TMEM229B: variants seen among roughly 807,000 people sequenced by gnomAD.
The protein encoded by TMEM229B is transmembrane protein 229B, also known as chromosome 14 open reading frame 83.
TMEM229B carries 6 observed loss-of-function variants against 13.7 expected under a neutral mutation model. The ratio of observed to expected loss-of-function variants is 0.44; its 90% CI spans 0.24 to 0.86. The LOEUF (loss-of-function observed/expected upper bound fraction) is 0.86. Among genes scored for constraint, TMEM229B ranks in the 40% least tolerant of loss-of-function variants. The pLI is 0.23. For missense variants in TMEM229B, 170 were observed against 236.0 expected (o/e 0.72, Z 1.83); for synonymous variants, 107 against 102.1 (o/e 1.05, Z -0.29).
intron 1 of TMEM229B, among the ~76,000 whole-genome samples, chr14:67,494,559 A>G (rs892100779): frequency 2.6e-5 from 4 of 152,306 alleles, no homozygotes; most frequent in African/African-American, 9.6e-5. Context: ...AGCCAGGCCA[A>G]TCGGCCCCGC....
At chr14:67,476,406 G>A (rs1364681775) in intron 2 of TMEM229B, among the ~76,000 whole-genome samples, 1 of 151,844 alleles carries the variant, frequency 6.6e-6, no homozygotes, top group Non-Finnish European at 1.5e-5. Context: ...GGCCGACATG[G>A]TGAAACCCTG....
chr14:67,477,850 A>G (rs1228764987), intron 2 of TMEM229B, among the ~76,000 whole-genome samples: 1 of 152,160 alleles, frequency 6.6e-6, no homozygotes, highest in African/African-American at 2.4e-5. Context: ...AATTAATGGC[A>G]CCACCATGCA....
intron 1 of TMEM229B, among the ~76,000 whole-genome samples, chr14:67,507,370 C>CA (rs1267745870): frequency 6.6e-6 from 1 of 151,020 alleles, no homozygotes; most frequent in Non-Finnish European, 1.5e-5. Flanking sequence ...AAAACAAAAA[C>CA]AAAAAAACAT....
chr14:67,510,496 A>T (rs911038698), intron 1 of TMEM229B, among the ~76,000 whole-genome samples: 16 of 152,266 alleles, frequency 1.1e-4, no homozygotes, highest in South Asian at 6.2e-4. Context: ...TGCAGGCTAT[A>T]TGAAAGCTTT....
intron 2 of TMEM229B, among the ~76,000 whole-genome samples, chr14:67,481,924 A>G (rs897698526): frequency 6.6e-6 from 1 of 152,236 alleles, no homozygotes; most frequent in African/African-American, 2.4e-5. Context: ...AGGACAGCCC[A>G]GGAACAGAAA....
chr14:67,529,090 T>C (rs1250513566), intron 1 of TMEM229B, among the ~76,000 whole-genome samples: 1 of 152,122 alleles, frequency 6.6e-6, no homozygotes, highest in Non-Finnish European at 1.5e-5. Flanking sequence ...CCTCATTTCA[T>C]AATATTTACT....
chr14:67,479,736 G>A (rs906458676), intron 2 of TMEM229B, among the ~76,000 whole-genome samples: 2 of 152,124 alleles, frequency 1.3e-5, no homozygotes, highest in Non-Finnish European at 2.9e-5. Context: ...AAAAAAAAAT[G>A]CTTGTGGAAT....
chr14:67,479,621 G>C (rs963099508), intron 2 of TMEM229B, among the ~76,000 whole-genome samples: 8 of 152,080 alleles, frequency 5.3e-5, no homozygotes, highest in Non-Finnish European at 1.2e-4. Flanking sequence ...GGGAGGCTGA[G>C]GCAGGAGAAT....
intron 1 of TMEM229B, among the ~76,000 whole-genome samples, chr14:67,521,196 A>G (rs1475955114): frequency 2.0e-5 from 3 of 152,254 alleles, no homozygotes; most frequent in African/African-American, 4.8e-5. Context: ...ACACATCATT[A>G]TCACCCAAAG....
upstream of TMEM229B, among the ~76,000 whole-genome samples, chr14:67,516,202 C>G (rs1311996046): frequency 1.3e-5 from 2 of 152,176 alleles, no homozygotes; most frequent in African/African-American, 4.8e-5. Context: ...CCCATTCGCA[C>G]GCCAAGCCTA....
chr14:67,493,000 G>A (rs1283400864), upstream of TMEM229B, among the ~76,000 whole-genome samples: 1 of 152,212 alleles, frequency 6.6e-6, no homozygotes, highest in Admixed American at 6.5e-5. Context: ...GCTGGAAGGT[G>A]AGTCTTAAAT....
chr14:67,499,596 G>A (rs1027312972), intron 1 of TMEM229B, among the ~76,000 whole-genome samples: 1 of 152,196 alleles, frequency 6.6e-6, no homozygotes, highest in Non-Finnish European at 1.5e-5. Context: ...TAATGGACAA[G>A]AAGATGAGTA....
In TMEM229B at chr14:67,508,753, C is replaced by CAAAAAAAAAAAAAAAAAAAAAAAAAAAAA. The variant is rs757183130; in HGVS notation, c.-192+6332_-192+6333insTTTTTTTTTTTTTTTTTTTTTTTTTTTTT. On this transcript the variant is annotated intron_variant, in intron 1 of 2. Transcript: ENST00000357461. ...TGGGTGACAGAGCAAAACCTTGTCT[C>CAAAAAAAAAAAAAAAAAAAAAAAAAAAAA]AAAAAAAAAAAAAAAAAACAGAAGA... Among the ~76,000 whole-genome samples the CAAAAAAAAAAAAAAAAAAAAAAAAAAAAA allele has an allele frequency of 1.9e-4, 9 of 46,702 alleles. 1 individual carries two copies. Among genetic ancestry groups the CAAAAAAAAAAAAAAAAAAAAAAAAAAAAA allele is most frequent in the East Asian group, 8.6e-4 (2 of 2,318 alleles). The allele number at this position is 46,702 out of a possible 152,430, so 30.6% of individuals were successfully genotyped here.
chr14:67,508,510 G>A (rs1265476479), intron 1 of TMEM229B, among the ~76,000 whole-genome samples: 2 of 151,982 alleles, frequency 1.3e-5, no homozygotes, highest in Admixed American at 6.6e-5. Flanking sequence ...ACAGCCTCAC[G>A]CTAGCTCTCC....
intron 2 of TMEM229B, among the ~76,000 whole-genome samples, chr14:67,479,667 G>A (rs781218352): frequency 2.6e-5 from 4 of 152,012 alleles, no homozygotes; most frequent in Admixed American, 6.6e-5. Context: ...GCCGTGAGCC[G>A]AGATAGCGCC....
At chr14:67,478,049 C>T (rs1413369523) in intron 2 of TMEM229B, among the ~76,000 whole-genome samples, 1 of 152,252 alleles carries the variant, frequency 6.6e-6, no homozygotes, top group Non-Finnish European at 1.5e-5. Flanking sequence ...TAGCAATCGC[C>T]ATATAACAAA....
chr14:67,491,522 A>G (rs59541430), upstream of TMEM229B, among the ~76,000 whole-genome samples: 4,346 of 152,302 alleles, frequency 0.029, 201 homozygotes, highest in African/African-American at 0.098. Flanking sequence ...ATGAATAACA[A>G]AAGACATTCC....
intron 2 of TMEM229B, among the ~76,000 whole-genome samples, chr14:67,482,278 G>T (rs2031631370): frequency 6.6e-6 from 1 of 152,212 alleles, no homozygotes; most frequent in Non-Finnish European, 1.5e-5. Context: ...CAGTTGAGAG[G>T]GGTAAAGAGG....
chr14:67,520,936 A>G (rs10130096), intron 1 of TMEM229B, among the ~76,000 whole-genome samples: 54,418 of 152,138 alleles, frequency 0.36, 10,640 homozygotes, highest in East Asian at 0.45. Flanking sequence ...CCCACAAGCA[A>G]TGAATGGGAG....
Sources: gnomAD v4.1 joint callset for allele counts (sites outside exome capture counted in the v4.1 genomes callset) on GRCh38, gnomAD v4.1.1 for gene constraint, MANE v1.5 for transcripts, NCBI Gene and HGNC (gene_info 2026-07-23, HGNC 2026-07-21) for gene names.